Variants in FBXO15 observed in about 807,000 individuals in gnomAD.
FBXO15 encodes the protein F-box only protein 15.
Under a neutral mutation model 49.5 loss-of-function variants are expected in FBXO15, and 30 were observed. That is an observed-to-expected ratio of 0.61 (90% CI 0.45 to 0.82). The LOEUF (loss-of-function observed/expected upper bound fraction) is 0.82. FBXO15 is among the 40% of genes least tolerant of loss of function. FBXO15 has a pLI of 0.00. For missense variants in FBXO15, 591 were observed against 631.5 expected, an observed-to-expected ratio of 0.94 and a Z score of 0.69; for synonymous variants, 250 against 232.7, an observed-to-expected ratio of 1.07 and a Z score of -0.68.
At chr18:74,098,831 T>G (rs955961996) in intron 8 of FBXO15, 5 of 152,146 alleles carry the variant, frequency 3.3e-5, no homozygotes, top group African/African-American at 1.2e-4. Context: ...TATCTAAAGT[T>G]AAGACAAAGT....
chr18:74,102,345 C>T (rs140707118), intron 8 of FBXO15, among the ~76,000 whole-genome samples: 4 of 151,594 alleles, frequency 2.6e-5, no homozygotes. Context: ...CCAACAAACA[C>T]AAAAAAAATG....
chr18:74,077,505 A>G (rs1912302675), intron 9 of FBXO15, among the ~76,000 whole-genome samples: 1 of 152,162 alleles, frequency 6.6e-6, no homozygotes, highest in Non-Finnish European at 1.5e-5. Context: ...TTCCCAGGCA[A>G]TCGGCTGCAG....
chr18:74,124,862 T>C (rs1185969063), intron 6 of FBXO15, among the ~76,000 whole-genome samples: 1 of 152,226 alleles, frequency 6.6e-6, no homozygotes, highest in Non-Finnish European at 1.5e-5. Context: ...TATATGATAG[T>C]TGTGAAACTA....
intron 8 of FBXO15, among the ~76,000 whole-genome samples, chr18:74,113,560 C>T (rs1475106449): frequency 6.6e-6 from 1 of 152,124 alleles, no homozygotes; most frequent in Non-Finnish European, 1.5e-5. Flanking sequence ...CTGTACCTTC[C>T]TCCCAGTTTT....
intron 8 of FBXO15, 141 bp downstream of exon 8, chr18:74,123,227 T>C: frequency 1.2e-6 from 1 of 866,490 alleles, no homozygotes; most frequent in Non-Finnish European, 1.8e-6. Context: ...AGCCCTGGGA[T>C]GACACACGGG....
At chr18:74,106,013 T>C (rs1256945117) in intron 8 of FBXO15, among the ~76,000 whole-genome samples, 1 of 152,150 alleles carries the variant, frequency 6.6e-6, no homozygotes, top group Non-Finnish European at 1.5e-5. Flanking sequence ...AGAAATTTTA[T>C]ATTGGGAACA....
At chr18:74,146,817 T>C (rs569798257) in intron 1 of FBXO15, among the ~76,000 whole-genome samples, 11 of 152,138 alleles carry the variant, frequency 7.2e-5, no homozygotes, top group Non-Finnish European at 1.3e-4. Flanking sequence ...TGTAATAGAC[T>C]CCCTTTGTGT....
chr18:74,137,044 T>A (rs1344792530), intron 2 of FBXO15, among the ~76,000 whole-genome samples: 1 of 152,168 alleles, frequency 6.6e-6, no homozygotes, highest in African/African-American at 2.4e-5. Flanking sequence ...ATAAAGTAGA[T>A]CTTCAGAAAA....
rs758400049 is a variant in FBXO15, at chr18:74,073,435, T to C, written c.*26A>G. ...AGCCAGTCAAAAATAAACAACTAAA[T>C]AACAACAATAATTTGCCACCTACTG... On this transcript the variant is annotated 3_prime_UTR_variant, in exon 10 of 10. Transcript: ENST00000419743. The C allele has an allele frequency of 6.3e-7, 1 of 1,597,718 alleles. No homozygotes were observed. The highest frequency in any genetic ancestry group is 8.5e-7 in the Non-Finnish European group (1 of 1,171,970).
chr18:74,079,851 G>A (rs924702559), intron 9 of FBXO15, among the ~76,000 whole-genome samples: 2 of 152,106 alleles, frequency 1.3e-5, no homozygotes, highest in African/African-American at 4.8e-5. Context: ...GTCCTTTCAC[G>A]ACTGCACATC....
intron 8 of FBXO15, among the ~76,000 whole-genome samples, chr18:74,117,175 T>C (rs1417694490): frequency 6.6e-6 from 1 of 152,192 alleles, no homozygotes; most frequent in African/African-American, 2.4e-5. Flanking sequence ...CAGCACCCTC[T>C]GCTGACTCCT....
intron 1 of FBXO15, among the ~76,000 whole-genome samples, chr18:74,146,712 C>A (rs1481070306): frequency 6.6e-6 from 1 of 152,074 alleles, no homozygotes; most frequent in Non-Finnish European, 1.5e-5. Flanking sequence ...GGCTGGGCTT[C>A]TGAAAACAGG....
At chr18:74,110,198 T>TATATATATATATATACACATATGTGTGC (rs1568168418) in intron 8 of FBXO15, among the ~76,000 whole-genome samples, 2 of 123,642 alleles carry the variant, frequency 1.6e-5, no homozygotes, top group South Asian at 4.8e-4. Flanking sequence ...TGTGTGCATA[T>TATATATATATATATACACATATGTGTGC]ATATATATAT....
In FBXO15 at chr18:74,123,476, C is replaced by A. The variant is rs745815120; in HGVS notation, c.1030G>T (p.Asp344Tyr). 1 of 1,611,868 alleles carries A rather than the reference C, an allele frequency of 6.2e-7. No homozygotes were observed. The highest frequency in any genetic ancestry group is 8.5e-7 in the Non-Finnish European group (1 of 1,179,226). ...YELPPHSPFL[D>Y]DSPEYGLHGY... ...TGCAGTCCATACTCGGGGCTATCATCCAAAAAGGGGCTATGTGGAGGCAGT... is the reference window on the plus strand; with the variant it reads ...TGCAGTCCATACTCGGGGCTATCATACAAAAAGGGGCTATGTGGAGGCAGT... Residue 344 changes from aspartate to tyrosine, a missense_variant, in exon 8 of 10, where the codon GAT becomes TAT. Asp to Tyr is a radical substitution (Grantham distance 160). Transcript: ENST00000419743.
At chr18:74,087,164 G>A (rs935734685) in intron 8 of FBXO15, among the ~76,000 whole-genome samples, 8 of 152,206 alleles carry the variant, frequency 5.3e-5, no homozygotes, top group African/African-American at 1.7e-4. Flanking sequence ...CTTTTTGCTG[G>A]TGGAAGGTCT....
At position 74,135,929 on chromosome 18, in the gene FBXO15, A is replaced by C; in HGVS notation, c.228-63T>G. 2.2e-6 allele frequency: 3 copies of C among 1,348,882 alleles called. No homozygotes were observed. In the African/African-American group the frequency reaches 4.4e-5, roughly 20 times the overall value. 83.6% of individuals were successfully genotyped at this position (1,348,882 alleles called of 1,614,324 possible). On this transcript the variant is annotated intron_variant, in intron 2 of 9. Coordinates refer to ENST00000419743, the MANE Select transcript of FBXO15 (RefSeq NM_001142958.2). ...TGGACCAGGGCTTAATCTGCAGATT[A>C]CCCAGAAAACAACTGGCTGCTCATC...
intron 8 of FBXO15, among the ~76,000 whole-genome samples, chr18:74,107,106 A>G (rs1255491686): frequency 2.6e-5 from 4 of 152,072 alleles, no homozygotes; most frequent in Non-Finnish European, 4.4e-5. Flanking sequence ...TTCAAATCGC[A>G]TATCAAAAAG....
At chr18:74,136,178 T>C (rs1053520350) in intron 2 of FBXO15, among the ~76,000 whole-genome samples, 1 of 152,116 alleles carries the variant, frequency 6.6e-6, no homozygotes, top group Non-Finnish European at 1.5e-5. Context: ...AAACTGTGTA[T>C]TTTTTTATTA....
rs529103145 is a variant in FBXO15, at chr18:74,129,724, T to C, written c.576-110A>G. The C allele has an allele frequency of 1.1e-5, 9 of 849,804 alleles. No individual in the cohort carries two copies. In the African/African-American group the frequency reaches 1.5e-4, roughly 15 times the overall value. 52.6% of individuals were successfully genotyped at this position (849,804 alleles called of 1,614,324 possible). On this transcript the variant is annotated intron_variant, in intron 4 of 9. Coordinates refer to ENST00000419743, the MANE Select transcript of FBXO15 (RefSeq NM_001142958.2). ...GCATCTAGTTCCTTAAAAGCCAAAG[T>C]CAAAATTCTCAGAATGTGCCCAGTA...
Sources: allele counts gnomAD v4.1 joint callset (sites outside exome capture counted in the v4.1 genomes callset), GRCh38; gene constraint gnomAD v4.1.1; transcripts MANE v1.5; gene names NCBI Gene and HGNC (gene_info 2026-07-23, HGNC 2026-07-21).